ANTXRL: variants seen among roughly 807,000 people sequenced by gnomAD.
ANTXRL encodes the protein ANTXR like, also known as anthrax toxin receptor-like.
A neutral mutation model predicts 75.4 loss-of-function variants in ANTXRL; 63 were observed. That is an observed-to-expected ratio of 0.84 (90% CI 0.68 to 1.03). The LOEUF (loss-of-function observed/expected upper bound fraction) is 1.03, where lower values mean the gene tolerates loss of function less well. Among genes scored for constraint, ANTXRL ranks in the 50% least tolerant of loss-of-function variants. The probability of loss-of-function intolerance (pLI) is 0.00; values close to 1 mark genes in which losing one functional copy is unlikely to be tolerated. For synonymous variants in ANTXRL, 335 were observed against 291.3 expected, an observed-to-expected ratio of 1.15 and a Z score of -1.53; for missense variants, 797 against 789.4, an observed-to-expected ratio of 1.01 and a Z score of -0.12.
intron 16 of ANTXRL, among the ~76,000 whole-genome samples, chr10:46,328,432 C>T (rs551448743): frequency 8.5e-4 from 130 of 152,220 alleles, no homozygotes; most frequent in African/African-American, 2.9e-3. Flanking sequence ...TATAAGATGG[C>T]TTCTGGAGCT....
At chr10:46,301,094 G>T (rs1837709878) in intron 9 of ANTXRL, among the ~76,000 whole-genome samples, 1 of 152,032 alleles carries the variant, frequency 6.6e-6, no homozygotes, top group African/African-American at 2.4e-5. Context: ...CCTGTCCATG[G>T]AGCTTTGGGG....
At chr10:46,300,997 T>C (rs1286728018) in intron 9 of ANTXRL, among the ~76,000 whole-genome samples, 33 of 146,256 alleles carry the variant, frequency 2.3e-4, no homozygotes, top group South Asian at 4.5e-4. Flanking sequence ...ACCCCCCCTC[T>C]CTCTTCATCC....
At chr10:46,290,281 AT>A (rs111308589) in intron 1 of ANTXRL, among the ~76,000 whole-genome samples, 5,481 of 152,126 alleles carry the variant, frequency 0.036, 201 homozygotes, top group East Asian at 0.12. Context: ...TGACCTCGTG[AT>A]TCCCCGGCCT....
rs781802368 is a variant in ANTXRL at position 46,302,750 on chromosome 10, T to C, written c.825T>C (p.Asn275=). The stretch of plus-strand genomic sequence containing the variant: ...CCTACCATGTGGTTATTCATGGAAA[T>C]GGCTTTCAGAATCTAAAGAAACGGG... ...GEPYHVVIHG[N]GFQNLKKRDE... The change falls in exon 10 of 17, where the codon AAT becomes AAC. Residue 275 remains asparagine (N), a synonymous_variant. Transcript: ENST00000620264. 2 of 1,536,316 alleles carry C rather than the reference T, an allele frequency of 1.3e-6. No homozygotes were observed.
At chr10:46,287,629 C>CT in intron 1 of ANTXRL, 119 bp downstream of exon 1, 1 of 1,381,990 alleles carries the variant, frequency 7.2e-7, no homozygotes, top group Non-Finnish European at 9.5e-7. Context: ...CAGGGCCAAA[C>CT]TTTGGTCAGA....
At position 46,310,529 on chromosome 10, in the gene ANTXRL, C is replaced by T. The variant is rs1554963210; in HGVS notation, c.1173+30C>T. On this transcript the variant is annotated intron_variant, in intron 14 of 16. Transcript: ENST00000620264. ...GTTGCAGTTCTGGTCCCGATATTGT[C>T]ACATCCCAAGGAGCCCACTGACCTT... 8.5e-6 allele frequency: 13 copies of T among 1,534,940 alleles called. 1 individual carries two copies. The highest frequency in any genetic ancestry group is 1.1e-5 in the Non-Finnish European group (13 of 1,145,644).
chr10:46,309,672 C>T (rs1449116842), intron 13 of ANTXRL, among the ~76,000 whole-genome samples: 11 of 152,112 alleles, frequency 7.2e-5, no homozygotes, highest in South Asian at 2.1e-4. Flanking sequence ...GTGTGGATCT[C>T]GGCACATGTC....
At chr10:46,324,603 C>T (rs115169478) in intron 16 of ANTXRL, among the ~76,000 whole-genome samples, 141 of 152,158 alleles carry the variant, frequency 9.3e-4, no homozygotes, top group Middle Eastern at 3.4e-3. Flanking sequence ...TAGGTTTTAG[C>T]GTATATTGGA....
Position 46,292,041 on chromosome 10 carries a change from A to G in ANTXRL, c.249-17A>G, listed in dbSNP as rs1554956626. The G allele has an allele frequency of 2.6e-6, 4 of 1,535,796 alleles. No individual in the cohort carries two copies. The highest frequency in any genetic ancestry group is 2.4e-5 in the East Asian group (1 of 40,912). On this transcript the variant is annotated splice_polypyrimidine_tract_variant and intron_variant, in intron 1 of 16. Transcript: ENST00000620264. ...AGATGCACTCATCTCCCTGACCCACATCTCCTTTTGTTTTAGGTCTGGCAG... is the reference window on the plus strand; with the variant it reads ...AGATGCACTCATCTCCCTGACCCACGTCTCCTTTTGTTTTAGGTCTGGCAG...
intron 5 of ANTXRL, among the ~76,000 whole-genome samples, chr10:46,296,463 G>T (rs1332361137): frequency 6.6e-6 from 1 of 152,172 alleles, no homozygotes; most frequent in Non-Finnish European, 1.5e-5. Flanking sequence ...GTGGGATCCT[G>T]CGTGTGCAGT....
chr10:46,317,404 T>C (rs1838786227), intron 16 of ANTXRL, among the ~76,000 whole-genome samples: 1 of 152,196 alleles, frequency 6.6e-6, no homozygotes, highest in African/African-American at 2.4e-5. Context: ...TCTAAATTCG[T>C]ACTCATGTTT....
At chr10:46,290,199 C>T (rs568115009) in intron 1 of ANTXRL, among the ~76,000 whole-genome samples, 56 of 152,106 alleles carry the variant, frequency 3.7e-4, no homozygotes, top group African/African-American at 1.3e-3. Context: ...CATGCCACCA[C>T]GCCAGGCTAA....
chr10:46,307,732 A>T (rs1838178601), intron 12 of ANTXRL, among the ~76,000 whole-genome samples: 1 of 151,992 alleles, frequency 6.6e-6, no homozygotes, highest in African/African-American at 2.4e-5. Flanking sequence ...GATTCCACAC[A>T]CTGCCGTCAG....
chr10:46,293,381 AGTGT>A (rs781921652), intron 2 of ANTXRL, among the ~76,000 whole-genome samples: 11 of 73,474 alleles, frequency 1.5e-4, no homozygotes, highest in Non-Finnish European at 1.9e-4. Flanking sequence ...CCTGTGTGTG[AGTGT>A]GTGCCTGTGT....
At position 46,287,014 on chromosome 10, in the gene ANTXRL, T is replaced by C. The variant is rs2132623533; in HGVS notation, c.-249T>C. On this transcript the variant is annotated 5_prime_UTR_variant, in exon 1 of 17. Coordinates refer to ENST00000620264, the MANE Select transcript of ANTXRL (RefSeq NM_001278688.3). ...CTGTCAACCATAACAGAGAATTCTGTCCCCAGGGTGGGGGAAGGGCCAGGC... is the reference window on the plus strand; with the variant it reads ...CTGTCAACCATAACAGAGAATTCTGCCCCCAGGGTGGGGGAAGGGCCAGGC... 2 of 562,420 alleles carry C rather than the reference T, an allele frequency of 3.6e-6. No individual in the cohort carries two copies. The highest frequency in any genetic ancestry group is 4.5e-5 in the South Asian group (2 of 44,032). 34.8% of individuals were successfully genotyped at this position (562,420 alleles called of 1,614,324 possible).
At chr10:46,316,364 T>C (rs1838725070) in intron 16 of ANTXRL, among the ~76,000 whole-genome samples, 1 of 152,016 alleles carries the variant, frequency 6.6e-6, no homozygotes. Context: ...GCCATAACTC[T>C]ATTGTGGGGA....
chr10:46,293,476 ATG>A (rs1837160094), intron 2 of ANTXRL, among the ~76,000 whole-genome samples: 1 of 130,408 alleles, frequency 7.7e-6, no homozygotes, highest in Non-Finnish European at 1.6e-5. Flanking sequence ...GTGTGTATGC[ATG>A]TGTGTGGGTG....
In ANTXRL at chr10:46,309,098, CTCTT is replaced by C. The variant is rs1283619083; in HGVS notation, c.1045-11_1045-8del. The C allele has an allele frequency of 7.4e-5, 113 of 1,535,604 alleles. 1 individual carries two copies. The Middle Eastern group carries it at 1.0e-3, about 14-fold the overall frequency. ...GCCACCGAGGCCCTCCTATGGTGCT[CTCTT>C]TCTCCACCAGGGCATTTTCCGCAAC... On this transcript the variant is annotated splice_polypyrimidine_tract_variant and intron_variant, in intron 12 of 16. Transcript: ENST00000620264.
At chr10:46,298,119 T>C (rs1336852393) in intron 9 of ANTXRL, 57 bp downstream of exon 9, 5 of 1,157,042 alleles carry the variant, frequency 4.3e-6, no homozygotes, top group Non-Finnish European at 5.0e-6. Flanking sequence ...AGTGCATGCG[T>C]GTATGGAGTG....
Sources: allele counts gnomAD v4.1 joint callset (sites outside exome capture counted in the v4.1 genomes callset), GRCh38; gene constraint gnomAD v4.1.1; transcripts MANE v1.5; gene names NCBI Gene and HGNC (gene_info 2026-07-23, HGNC 2026-07-21).